RASAL2: variants seen among roughly 807,000 people sequenced by gnomAD.
RASAL2 encodes ras GTPase-activating protein nGAP.
Under a neutral mutation model 128.9 loss-of-function variants are expected in RASAL2, and 58 were observed. The ratio of observed to expected loss-of-function variants is 0.45; its 90% confidence interval spans 0.36 to 0.56. The LOEUF is 0.56. Among genes scored for constraint, RASAL2 ranks in the 20% least tolerant of loss-of-function variants. RASAL2 has a pLI of 0.00. For missense variants in RASAL2, 1,360 were observed against 1,601.6 expected (o/e 0.85, Z 2.57); for synonymous variants, 561 against 580.8 (o/e 0.97, Z 0.49).
At chr1:178,460,862 G>A (rs1489132292) in intron 14 of RASAL2, among the ~76,000 whole-genome samples, 1 of 151,916 alleles carries the variant, frequency 6.6e-6, no homozygotes, top group Non-Finnish European at 1.5e-5. Context: ...CGCCTAGGCT[G>A]GAGTGCAGTG....
In RASAL2 at chr1:178,144,430, A is replaced by C. The variant is rs542650763; in HGVS notation, c.202+49736A>C. 1.0e-3 allele frequency among the ~76,000 whole-genome samples: 155 copies of C among 152,322 alleles called. 1 individual carries two copies. The highest frequency in any genetic ancestry group is 1.8e-3 in the Admixed American group (27 of 15,290). On this transcript the variant is annotated intron_variant, in intron 1 of 17. Transcript: ENST00000367649. ...TTCACATTCTGTATTGATTTTTAAA[A>C]ATATTTTAAAATTGTTTCTCTTTCC...
chr1:178,212,891 C>T (rs758626280), intron 1 of RASAL2, among the ~76,000 whole-genome samples: 10 of 152,150 alleles, frequency 6.6e-5, no homozygotes, highest in Non-Finnish European at 8.8e-5. Flanking sequence ...TATATTTAGG[C>T]GTAATCACCA....
intron 5 of RASAL2, among the ~76,000 whole-genome samples, chr1:178,437,259 A>G (rs1450576266): frequency 6.6e-6 from 1 of 152,140 alleles, no homozygotes; most frequent in Non-Finnish European, 1.5e-5. Context: ...CTTCTATGGA[A>G]GACTTGAAAT....
chr1:178,352,949 G>A (rs1670595326), intron 3 of RASAL2, among the ~76,000 whole-genome samples: 1 of 152,220 alleles, frequency 6.6e-6, no homozygotes, highest in Non-Finnish European at 1.5e-5. Flanking sequence ...AGGCTGCATG[G>A]GGCAGCAGAC....
At chr1:178,341,566 T>C in intron 3 of RASAL2, 1 of 1,613,838 alleles carries the variant, frequency 6.2e-7, no homozygotes, top group Non-Finnish European at 8.5e-7. Context: ...GCCGGAAAGA[T>C]CATGTTAGCA....
rs191373526 is a variant in RASAL2 at position 178,105,211 on chromosome 1, T to C, written c.202+10517T>C. ...TCCAAGTAATGGCAACAAGAACTAA[T>C]ATTAATGATTAAAGTAATTTAAAAT... On this transcript the variant is annotated intron_variant, in intron 1 of 17. Coordinates refer to ENST00000367649, the MANE Select transcript of RASAL2 (RefSeq NM_170692.4). Among the ~76,000 whole-genome samples the C allele has an allele frequency of 7.2e-5, 11 of 152,294 alleles. No homozygotes were observed. The East Asian group carries it at 2.1e-3, about 29-fold the overall frequency.
chr1:178,294,603 C>A (rs1667413144), intron 2 of RASAL2, among the ~76,000 whole-genome samples: 1 of 152,208 alleles, frequency 6.6e-6, no homozygotes, highest in South Asian at 2.1e-4. Context: ...CCCTCACTAT[C>A]TGTCTATCTG....
chr1:178,327,175 G>A (rs1334324807), intron 3 of RASAL2, among the ~76,000 whole-genome samples: 1 of 151,924 alleles, frequency 6.6e-6, no homozygotes, highest in Non-Finnish European at 1.5e-5. Flanking sequence ...CTCCCATGGA[G>A]GTCCTCTTAA....
chr1:178,365,275 C>A (rs931629536), intron 3 of RASAL2, among the ~76,000 whole-genome samples: 1 of 152,016 alleles, frequency 6.6e-6, no homozygotes, highest in Non-Finnish European at 1.5e-5. Flanking sequence ...TCTTATAATA[C>A]CTTATATGAT....
At chr1:178,239,201 C>G (rs1664387962) in intron 1 of RASAL2, among the ~76,000 whole-genome samples, 1 of 152,044 alleles carries the variant, frequency 6.6e-6, no homozygotes, top group South Asian at 2.1e-4. Context: ...GATATTGATT[C>G]ATATAATTTA....
chr1:178,298,693 C>T (rs954141554), intron 2 of RASAL2, among the ~76,000 whole-genome samples: 1 of 152,140 alleles, frequency 6.6e-6, no homozygotes, highest in East Asian at 1.9e-4. Flanking sequence ...ATAATAATGT[C>T]TCCCTCATAA....
chr1:178,260,348 C>G (rs1665621691), intron 1 of RASAL2, among the ~76,000 whole-genome samples: 1 of 1,740 alleles, frequency 5.7e-4, no homozygotes, highest in African/African-American at 1.8e-3. Context: ...CGAGACTCGT[C>G]TCAAAAAAAA....
intron 2 of RASAL2, among the ~76,000 whole-genome samples, chr1:178,288,280 A>G (rs1391299303): frequency 1.3e-5 from 2 of 152,200 alleles, no homozygotes; most frequent in Non-Finnish European, 2.9e-5. Context: ...ATTTCTAAGA[A>G]GATGTTTTTC....
rs939626274 is a variant in RASAL2, at chr1:178,478,626, AT to A, written c.*5391del. The stretch of plus-strand genomic sequence containing the variant: ...ACACCTTAGAAAAACAAAACCCAAG[AT>A]TTTATTTTATTTTTAAAGCCATATT... On this transcript the variant is annotated 3_prime_UTR_variant, in exon 18 of 18. Transcript: ENST00000367649. The A allele has an allele frequency of 4.6e-5, 7 of 152,168 alleles. No individual in the cohort carries two copies. The highest frequency in any genetic ancestry group is 7.4e-5 in the Non-Finnish European group (5 of 68,022). 9.4% of individuals were successfully genotyped at this position (152,168 alleles called of 1,614,324 possible). A position where few individuals can be genotyped will look rare whatever the true frequency, so the allele number is the denominator to read the frequency against.
At chr1:178,440,548 G>A (rs1412740808) in intron 6 of RASAL2, among the ~76,000 whole-genome samples, 2 of 152,002 alleles carry the variant, frequency 1.3e-5, no homozygotes, top group Non-Finnish European at 2.9e-5. Flanking sequence ...TAATCTGATC[G>A]GATTTATTAG....
intron 3 of RASAL2, among the ~76,000 whole-genome samples, chr1:178,352,006 G>A: frequency 6.6e-6 from 1 of 152,298 alleles, no homozygotes; most frequent in East Asian, 1.9e-4. Flanking sequence ...TTTCTAAATA[G>A]AACTAACATC....
intron 2 of RASAL2, among the ~76,000 whole-genome samples, chr1:178,286,228 C>T (rs1028176363): frequency 6.6e-6 from 1 of 152,146 alleles, no homozygotes; most frequent in African/African-American, 2.4e-5. Flanking sequence ...GGTCCCTTAA[C>T]TTCTTAGTCT....
At chr1:178,229,995 A>T (rs1168407360) in intron 1 of RASAL2, among the ~76,000 whole-genome samples, 1 of 150,606 alleles carries the variant, frequency 6.6e-6, no homozygotes, top group Non-Finnish European at 1.5e-5. Context: ...CTTTTCTGAT[A>T]TTTTTTTTCT....
chr1:178,141,785 T>C (rs1660543320), intron 1 of RASAL2, among the ~76,000 whole-genome samples: 1 of 152,168 alleles, frequency 6.6e-6, no homozygotes, highest in Non-Finnish European at 1.5e-5. Context: ...TGTGTTGTTT[T>C]ACAGCTTTGA....
Sources: allele counts gnomAD v4.1 joint callset (sites outside exome capture counted in the v4.1 genomes callset), GRCh38; gene constraint gnomAD v4.1.1; transcripts MANE v1.5; gene names NCBI Gene and HGNC (gene_info 2026-07-23, HGNC 2026-07-21).